The following SRRM4 variants were observed in gnomAD, a reference collection of about 807,000 sequenced individuals.
SRRM4 encodes the protein serine/arginine repetitive matrix protein 4.
SRRM4 carries 33 observed loss-of-function variants against 68.9 expected under a neutral mutation model. That is an observed-to-expected ratio of 0.48 (90% CI 0.36 to 0.64). The LOEUF is 0.64. Ranked by LOEUF, SRRM4 falls within the 30% of genes least tolerant of loss-of-function variation. SRRM4 has a pLI of 0.00. For missense variants in SRRM4, 817 were observed against 827.1 expected, an observed-to-expected ratio of 0.99 and a Z score of 0.15; for synonymous variants, 318 against 318.8, an observed-to-expected ratio of 1.00 and a Z score of 0.03.
In SRRM4 at chr12:119,162,120, C is replaced by T. The variant is rs958291433; in HGVS notation, c.*5322C>T. 1 of 152,106 alleles carries T rather than the reference C, an allele frequency of 6.6e-6. No individual in the cohort carries two copies. The highest frequency in any genetic ancestry group is 2.4e-5 in the African/African-American group (1 of 41,402). The allele number at this position is 152,106 out of a possible 1,614,324, so 9.4% of individuals were successfully genotyped here. On this transcript the variant is annotated 3_prime_UTR_variant, in exon 13 of 13. Transcript: ENST00000267260. Reference sequence around the variant, plus strand: ...AGACGTGGGAAATGGGGGCTCAAGCCCTGATGCTATGGACTCCATACTGTT... The same window carrying T: ...AGACGTGGGAAATGGGGGCTCAAGCTCTGATGCTATGGACTCCATACTGTT...
chr12:119,066,953 A>G (rs918630135), intron 1 of SRRM4, among the ~76,000 whole-genome samples: 3 of 152,176 alleles, frequency 2.0e-5, no homozygotes, highest in African/African-American at 4.8e-5. Flanking sequence ...CTTTCCAAAG[A>G]GTGGACCTCA....
chr12:119,133,235 C>A (rs1234093940), intron 8 of SRRM4: 1 of 152,108 alleles, frequency 6.6e-6, no homozygotes, highest in East Asian at 1.9e-4. Flanking sequence ...GTATAACAGG[C>A]AAGAAGTAAA....
At position 119,154,217 on chromosome 12, in the gene SRRM4, C is replaced by T. The variant is rs1403559351; in HGVS notation, c.1392-26C>T. 5 of 1,578,690 alleles carry T rather than the reference C, an allele frequency of 3.2e-6. No homozygotes were observed. The highest frequency in any genetic ancestry group is 2.3e-5 in the South Asian group (2 of 86,854). On this transcript the variant is annotated intron_variant, in intron 11 of 12. Coordinates refer to ENST00000267260, the MANE Select transcript of SRRM4 (RefSeq NM_194286.4). This position sits in a 1 kb window ranked among gnomAD's most constrained non-coding sequence, Gnocchi z 4.7. ...AGAAAATCCAGCCCAGCCCCAGCTC[C>T]CCAGTAACCCCCCGCGCCCCTTCAG...
intron 1 of SRRM4, among the ~76,000 whole-genome samples, chr12:119,086,544 T>C (rs1188457591): frequency 6.6e-6 from 1 of 151,938 alleles, no homozygotes. Context: ...GCAACCAGAG[T>C]GGTTGATGTT....
chr12:119,030,156 CAT>C (rs1394437675), intron 1 of SRRM4, among the ~76,000 whole-genome samples: 15 of 152,292 alleles, frequency 9.8e-5, no homozygotes, highest in African/African-American at 2.2e-4. Flanking sequence ...TTTCAGCACA[CAT>C]GTTTTCCTCA....
At chr12:119,082,774 A>G (rs547296892) in intron 1 of SRRM4, among the ~76,000 whole-genome samples, 19 of 152,338 alleles carry the variant, frequency 1.2e-4, no homozygotes, top group Admixed American at 2.0e-4. Flanking sequence ...CCTGAAGCAC[A>G]AGATGTCAGA....
chr12:119,026,836 C>T (rs1029417896), intron 1 of SRRM4, among the ~76,000 whole-genome samples: 3 of 152,118 alleles, frequency 2.0e-5, no homozygotes, highest in Admixed American at 2.0e-4. Context: ...TTTGCCAGGC[C>T]CACAATGATC....
chr12:119,095,070 G>C (rs186750219), intron 1 of SRRM4, among the ~76,000 whole-genome samples: 1 of 152,246 alleles, frequency 6.6e-6, no homozygotes, highest in Non-Finnish European at 1.5e-5. Flanking sequence ...GCTTTTTCAA[G>C]CCACAATGGC....
At chr12:119,133,159 C>T (rs1954308274) in intron 8 of SRRM4, 1 of 152,076 alleles carries the variant, frequency 6.6e-6, no homozygotes, top group African/African-American at 2.4e-5. Flanking sequence ...ACAAGGATAG[C>T]AATAAGACCT....
intron 1 of SRRM4, among the ~76,000 whole-genome samples, chr12:119,097,080 T>A (rs1264228305): frequency 6.6e-6 from 1 of 152,206 alleles, no homozygotes; most frequent in Non-Finnish European, 1.5e-5. Flanking sequence ...TGCCGGCCCT[T>A]GACTCCACTG....
rs1391243917 is a variant in SRRM4, at chr12:119,156,728, G to C, written c.1766G>C (p.Ser589Thr). 7 of 1,546,620 alleles carry C rather than the reference G, an allele frequency of 4.5e-6. No individual in the cohort carries two copies. The highest frequency in any genetic ancestry group is 1.4e-5 in the African/African-American group (1 of 72,916). The change falls in exon 13 of 13, where the codon AGC (serine) becomes ACC (threonine). Residue 589 changes from serine to threonine, a missense_variant. By Grantham distance (58) the Ser-to-Thr change is moderately conservative (BLOSUM62 1). Coordinates refer to ENST00000267260, the MANE Select transcript of SRRM4 (RefSeq NM_194286.4). ...SRSRSRSRSR[S>T]RSRSRSQSRS... Reference sequence around the variant, plus strand: ...AGCCGGAGCCGGAGCAGGAGCCGGAGCCGGAGCCGGAGCAGGAGCCAGAGC... The same window carrying C: ...AGCCGGAGCCGGAGCAGGAGCCGGACCCGGAGCCGGAGCAGGAGCCAGAGC...
chr12:119,087,202 G>A (rs1953984386), intron 1 of SRRM4, among the ~76,000 whole-genome samples: 2 of 152,176 alleles, frequency 1.3e-5, no homozygotes, highest in Non-Finnish European at 1.5e-5. Flanking sequence ...TAATTGCCAT[G>A]AGAATGACAA....
rs1377838787 is a variant in SRRM4, at chr12:118,981,955, A to AC, written c.79dup (p.Arg27ProfsTer24). 1.2e-6 allele frequency: 2 copies of AC among 1,610,184 alleles called. No individual in the cohort carries two copies. Among genetic ancestry groups the AC allele is most frequent in the Non-Finnish European group, 1.7e-6 (2 of 1,178,504 alleles). The stretch of plus-strand genomic sequence containing the variant: ...GCGAGGAACCTTCAAAGCGGTGGCC[A>AC]CCCCCCGTCCCGAGAGCATCATTGT... On this transcript the variant is annotated frameshift_variant, in exon 1 of 13. Coordinates refer to ENST00000267260, the MANE Select transcript of SRRM4 (RefSeq NM_194286.4). LOFTEE classifies it high-confidence loss of function.
intron 1 of SRRM4, among the ~76,000 whole-genome samples, chr12:119,094,263 CA>C (rs1954030140): frequency 6.6e-6 from 1 of 152,146 alleles, no homozygotes; most frequent in Non-Finnish European, 1.5e-5. Flanking sequence ...CCCTCAGGAT[CA>C]AGTTCAAACT....
At chr12:119,126,046 C>T (rs563846853) in intron 7 of SRRM4, among the ~76,000 whole-genome samples, 35 of 87,886 alleles carry the variant, frequency 4.0e-4, no homozygotes, top group Non-Finnish European at 6.2e-4. Flanking sequence ...TTTTTTGAGA[C>T]AGAGTCTCAC....
chr12:119,037,025 T>C (rs550830657), intron 1 of SRRM4: 4 of 151,918 alleles, frequency 2.6e-5, no homozygotes, highest in Non-Finnish European at 4.4e-5. Context: ...GTCTTAGAAA[T>C]GGATTGTGGT....
intron 1 of SRRM4, among the ~76,000 whole-genome samples, chr12:119,027,054 C>T (rs1030217233): frequency 3.3e-5 from 5 of 152,140 alleles, no homozygotes; most frequent in African/African-American, 4.8e-5. Context: ...TTCCTCTGGA[C>T]GCTGATGTCT....
chr12:119,083,680 A>T (rs1365614222), intron 1 of SRRM4, among the ~76,000 whole-genome samples: 1 of 152,210 alleles, frequency 6.6e-6, no homozygotes, highest in Non-Finnish European at 1.5e-5. Context: ...GAATGGTCCC[A>T]TTCCCAAGAT....
chr12:119,114,381 G>C lies in SRRM4; in HGVS notation c.365+17G>C, dbSNP rs781094981. On this transcript the variant is annotated intron_variant, in intron 3 of 12. Transcript: ENST00000267260. ...GAGAAGGAGGTAAGAGCACCAAGAG[G>C]GAGATAAAACCTGTAAGATGCAGGC... is the stretch of plus-strand genomic sequence containing the variant. The C allele has an allele frequency of 6.3e-7, 1 of 1,592,236 alleles. No individual in the cohort carries two copies. The highest frequency in any genetic ancestry group is 8.6e-7 in the Non-Finnish European group (1 of 1,167,472).
Sources: allele counts gnomAD v4.1 joint callset (sites outside exome capture counted in the v4.1 genomes callset), GRCh38; gene constraint gnomAD v4.1.1; non-coding constraint Gnocchi (gnomAD v3.1); transcripts MANE v1.5; gene names NCBI Gene and HGNC (gene_info 2026-07-23, HGNC 2026-07-21).